FRY: variants seen among roughly 807,000 people sequenced by gnomAD.
FRY encodes the protein FRY microtubule binding protein.
A neutral mutation model predicts 348.4 loss-of-function variants in FRY; 128 were observed. That is an observed-to-expected ratio of 0.37 (90% CI 0.32 to 0.43). The LOEUF (loss-of-function observed/expected upper bound fraction) is 0.43. Ranked by LOEUF, FRY falls within the 20% of genes least tolerant of loss-of-function variation. The pLI, the probability that FRY is intolerant of heterozygous loss-of-function variation, is 1.00. For missense variants in FRY, 2,736 were observed against 3,695.2 expected, an observed-to-expected ratio of 0.74 and a Z score of 6.73; for synonymous variants, 1,370 against 1,374.7, an observed-to-expected ratio of 1.00 and a Z score of 0.08.
At chr13:32,128,308 A>G (rs1475843360) in intron 7 of FRY, among the ~76,000 whole-genome samples, 2 of 152,194 alleles carry the variant, frequency 1.3e-5, no homozygotes, top group African/African-American at 4.8e-5. Context: ...AATAGTGAAT[A>G]GTGATTGACT....
chr13:32,186,146 A>G, intron 26 of FRY, 114 bp from the exon 27 acceptor site: 1 of 848,696 alleles, frequency 1.2e-6, no homozygotes, highest in Non-Finnish European at 2.0e-6. Flanking sequence ...TTGCCTAAAG[A>G]AAACTGTAGT....
chr13:32,227,949 A>G (rs1211830268), intron 39 of FRY, among the ~76,000 whole-genome samples: 3 of 152,092 alleles, frequency 2.0e-5, no homozygotes, highest in South Asian at 2.1e-4. Context: ...ACAGGGTTTC[A>G]CCATGCTAGC....
Position 32,231,199 on chromosome 13 carries a change from G to C in FRY, c.5426G>C (p.Cys1809Ser). The C allele has an allele frequency of 1.9e-6, 3 of 1,613,346 alleles. No homozygotes were observed. In the South Asian group the frequency reaches 3.3e-5, roughly 18 times the overall value. Residue 1809 changes from cysteine to serine, a missense_variant, in exon 41 of 61, where the codon TGC becomes TCC. Coordinates refer to ENST00000542859, the MANE Select transcript of FRY (RefSeq NM_023037.3). ...LTTRAFGPLW[C>S]HEDITPKNQN... Reference sequence around the variant, plus strand: ...TTAAGGGCATTTGGTCCACTTTGGTGCCATGAAGACATCACACCTAAAAAT... The same window carrying C: ...TTAAGGGCATTTGGTCCACTTTGGTCCCATGAAGACATCACACCTAAAAAT...
chr13:32,140,092 AAAC>A (rs1005220899), intron 11 of FRY, among the ~76,000 whole-genome samples: 7 of 149,510 alleles, frequency 4.7e-5, no homozygotes, highest in East Asian at 1.9e-4. Context: ...ATTAAAAAAA[AAAC>A]AAAAACAGAA....
chr13:32,124,248 T>C, intron 4 of FRY, 38 bp from the exon 5 acceptor site: 3 of 1,170,844 alleles, frequency 2.6e-6, no homozygotes, highest in Non-Finnish European at 3.9e-6. Context: ...TGAGAATACC[T>C]TCAGTGTGCT....
intron 1 of FRY, among the ~76,000 whole-genome samples, chr13:32,055,854 A>G (rs1344602017): frequency 1.3e-5 from 2 of 152,188 alleles, no homozygotes; most frequent in Admixed American, 6.5e-5. Context: ...TTTCTCATTA[A>G]CATAGAATCC....
At chr13:32,247,605 T>C in intron 48 of FRY, 103 bp downstream of exon 48, 1 of 946,560 alleles carries the variant, frequency 1.1e-6, no homozygotes, top group East Asian at 2.5e-5. Flanking sequence ...TTGACAGTTA[T>C]TTCAAATGAA....
chr13:32,272,879 G>A (rs1489299750), intron 55 of FRY, among the ~76,000 whole-genome samples: 1 of 151,428 alleles, frequency 6.6e-6, no homozygotes, highest in Non-Finnish European at 1.5e-5. Context: ...GGGATTACAG[G>A]TACACACCAC....
intron 35 of FRY, among the ~76,000 whole-genome samples, chr13:32,215,740 T>C (rs1057434856): frequency 2.0e-5 from 3 of 152,178 alleles, no homozygotes; most frequent in African/African-American, 4.8e-5. Flanking sequence ...TAGCTCATTT[T>C]TTTATTTCTT....
chr13:32,119,219 T>C (rs956335398), intron 4 of FRY, among the ~76,000 whole-genome samples: 2 of 152,092 alleles, frequency 1.3e-5, no homozygotes, highest in Non-Finnish European at 2.9e-5. Context: ...TAGGGTATGG[T>C]GTAGCTAAAT....
chr13:32,102,899 C>T (rs1358432689), intron 3 of FRY, among the ~76,000 whole-genome samples: 4 of 152,204 alleles, frequency 2.6e-5, no homozygotes, highest in Non-Finnish European at 5.9e-5. Flanking sequence ...TATTCCCTGG[C>T]TTGTGGTAGT....
chr13:32,292,162 T>C (rs2138656455), intron 59 of FRY: 1 of 298,288 alleles, frequency 3.4e-6, no homozygotes, highest in South Asian at 2.7e-5. Flanking sequence ...TTTGTATTTT[T>C]AGTGGAGACG....
chr13:32,111,823 G>T (rs1475160761), intron 3 of FRY, among the ~76,000 whole-genome samples: 1 of 152,178 alleles, frequency 6.6e-6, no homozygotes, highest in African/African-American at 2.4e-5. Flanking sequence ...GATTGATTCT[G>T]ATTCCAGAAT....
chr13:32,109,938 G>T (rs1261071142), intron 3 of FRY, among the ~76,000 whole-genome samples: 1 of 152,172 alleles, frequency 6.6e-6, no homozygotes, highest in Non-Finnish European at 1.5e-5. Flanking sequence ...TTTGGAAAGT[G>T]GGAGAAGTCT....
rs1383860897 is a variant in FRY at position 32,171,157 on chromosome 13, A to G, written c.2038A>G (p.Thr680Ala). The G allele has an allele frequency of 2.5e-6, 4 of 1,613,764 alleles. No individual in the cohort carries two copies. The highest frequency in any genetic ancestry group is 2.7e-5 in the African/African-American group (2 of 74,898). Residue 680 changes from threonine (T) to alanine (A), a missense_variant, in exon 18 of 61, where the codon ACA (threonine) becomes GCA (alanine). Physicochemically the swap from Thr to Ala is moderately conservative, Grantham distance 58. Coordinates refer to ENST00000542859, the MANE Select transcript of FRY (RefSeq NM_023037.3). Reference protein sequence around the residue: ...LLREVNDMHHTLLDSSLKLLL... With the variant: ...LLREVNDMHHALLDSSLKLLL... ...CCGGGAAGTAAATGATATGCATCACACACTCCTTGATTCGTCCCTGAAGTT... is the reference window on the plus strand; with the variant it reads ...CCGGGAAGTAAATGATATGCATCACGCACTCCTTGATTCGTCCCTGAAGTT...
chr13:32,214,362 G>A (rs1884860155), intron 35 of FRY, among the ~76,000 whole-genome samples: 1 of 152,150 alleles, frequency 6.6e-6, no homozygotes, highest in South Asian at 2.1e-4. Flanking sequence ...CGGCCCACAG[G>A]CCACATGCGG....
At chr13:32,160,149 C>T (rs1355635735) in intron 16 of FRY, among the ~76,000 whole-genome samples, 1 of 152,174 alleles carries the variant, frequency 6.6e-6, no homozygotes, top group Admixed American at 6.5e-5. Flanking sequence ...TTAGATTACA[C>T]AGAGGATTGA....
At chr13:32,161,422 A>C (rs1881438150) in intron 17 of FRY, among the ~76,000 whole-genome samples, 171 bp downstream of exon 17, 1 of 152,242 alleles carries the variant, frequency 6.6e-6, no homozygotes, top group East Asian at 1.9e-4. Flanking sequence ...CAAGGGGTTT[A>C]AAATCCAACT....
chr13:32,052,597 A>C (rs2138409647), intron 1 of FRY, among the ~76,000 whole-genome samples: 1 of 152,216 alleles, frequency 6.6e-6, no homozygotes, highest in Middle Eastern at 3.4e-3. Flanking sequence ...TCTTTTTTTG[A>C]GGAATTCAGA....
Sources: gnomAD v4.1 joint callset for allele counts (sites outside exome capture counted in the v4.1 genomes callset) on GRCh38, gnomAD v4.1.1 for gene constraint, MANE v1.5 for transcripts, NCBI Gene and HGNC (gene_info 2026-07-23, HGNC 2026-07-21) for gene names.